Variants in FTO observed in about 807,000 individuals in gnomAD.
FTO encodes alpha-ketoglutarate-dependent dioxygenase FTO.
FTO carries 47 observed loss-of-function variants against 63.9 expected under a neutral mutation model. The observed-to-expected ratio is 0.74, with a 90% confidence interval of 0.58 to 0.94. The LOEUF is 0.94. Ranked by LOEUF, FTO falls within the 40% of genes least tolerant of loss-of-function variation. The probability of loss-of-function intolerance (pLI) is 0.00; values close to 1 mark genes in which losing one functional copy is unlikely to be tolerated. For synonymous variants in FTO, 207 were observed against 224.4 expected (o/e 0.92, Z 0.69); for missense variants, 562 against 618.1 (o/e 0.91, Z 0.96).
intron 1 of FTO, among the ~76,000 whole-genome samples, chr16:53,772,502 T>TA (rs1343951850): frequency 6.6e-6 from 1 of 152,144 alleles, no homozygotes; most frequent in Non-Finnish European, 1.5e-5. Flanking sequence ...CAACATGTGA[T>TA]ACACTGTTTT....
At chr16:54,080,977 G>A (rs183126283) in intron 8 of FTO, among the ~76,000 whole-genome samples, 1 of 152,302 alleles carries the variant, frequency 6.6e-6, no homozygotes, top group Admixed American at 6.5e-5. Context: ...AAACCCACAA[G>A]CGAAGCAAAA....
intron 7 of FTO, among the ~76,000 whole-genome samples, chr16:53,893,386 G>C (rs1479992000): frequency 6.6e-6 from 1 of 152,140 alleles, no homozygotes; most frequent in Non-Finnish European, 1.5e-5. Context: ...ATAAGAGAGA[G>C]TTACCATTTG....
At chr16:53,753,648 A>G (rs1015768325) in intron 1 of FTO, among the ~76,000 whole-genome samples, 2 of 152,174 alleles carry the variant, frequency 1.3e-5, no homozygotes, top group African/African-American at 4.8e-5. Context: ...ACTCAGTAAG[A>G]CTGCCACCTT....
rs549072445 is a variant in FTO, at chr16:53,837,206, C to G, written c.752-6949C>G. Among the ~76,000 whole-genome samples, 7 of 152,286 alleles carry G rather than the reference C, an allele frequency of 4.6e-5. No homozygotes were observed. In the East Asian group the frequency reaches 9.6e-4, roughly 21 times the overall value. ...AGTTTTTCTCTCCTTTTCATACTTTCAATTTTTCTCCCAAGTCCGTGAAAC... is the reference window on the plus strand; with the variant it reads ...AGTTTTTCTCTCCTTTTCATACTTTGAATTTTTCTCCCAAGTCCGTGAAAC... On this transcript the variant is annotated intron_variant, in intron 3 of 8. Coordinates refer to ENST00000471389, the MANE Select transcript of FTO (RefSeq NM_001080432.3).
intron 1 of FTO, among the ~76,000 whole-genome samples, chr16:53,790,438 T>A (rs925571773): frequency 6.6e-6 from 1 of 151,678 alleles, no homozygotes; most frequent in African/African-American, 2.4e-5. Flanking sequence ...AGAAACAGGG[T>A]GGGCATGTTG....
At chr16:53,961,348 A>C (rs906452256) in intron 8 of FTO, among the ~76,000 whole-genome samples, 1 of 152,202 alleles carries the variant, frequency 6.6e-6, no homozygotes, top group African/African-American at 2.4e-5. Flanking sequence ...TAGTAGCAGC[A>C]TGTCTCCAGT....
chr16:54,088,318 T>A (rs1252553610), intron 8 of FTO, among the ~76,000 whole-genome samples: 1 of 152,248 alleles, frequency 6.6e-6, no homozygotes, highest in East Asian at 1.9e-4. Context: ...ATCTATTCTT[T>A]CAGAGAAGTC....
chr16:53,747,678 C>T (rs1392407229), intron 1 of FTO, among the ~76,000 whole-genome samples: 4 of 151,758 alleles, frequency 2.6e-5, no homozygotes, highest in Non-Finnish European at 1.5e-5. Context: ...TGATGTAATC[C>T]CATTTGTCTA....
chr16:53,846,288 C>T lies in FTO; in HGVS notation c.895+1990C>T, dbSNP rs139930802. ...GAAGTAAGTTTATTTTTTAAAGTCC[C>T]TACCCCATCATTGAGTGTCATTTGT... On this transcript the variant is annotated intron_variant, in intron 4 of 8. Transcript: ENST00000471389. Among the ~76,000 whole-genome samples the T allele has an allele frequency of 7.8e-3, 1,194 of 152,236 alleles. 8 individuals carry two copies. The highest frequency in any genetic ancestry group is 0.02 in the Middle Eastern group (6 of 294).
intron 3 of FTO, among the ~76,000 whole-genome samples, chr16:53,827,762 G>A (rs371784602): frequency 1.3e-5 from 2 of 152,218 alleles, no homozygotes; most frequent in East Asian, 3.8e-4. Context: ...CGCTTGAAGG[G>A]ATTTAACGCT....
chr16:53,825,397 C>A (rs1251482255), intron 2 of FTO, among the ~76,000 whole-genome samples: 2 of 152,126 alleles, frequency 1.3e-5, no homozygotes, highest in African/African-American at 4.8e-5. Flanking sequence ...AGATTAATGT[C>A]TCTGTGTTTC....
At chr16:54,018,384 T>TGATAGATAGATAGATA (rs5816918) in intron 8 of FTO, among the ~76,000 whole-genome samples, 4,049 of 93,104 alleles carry the variant, frequency 0.043, 87 homozygotes, top group East Asian at 0.054. Flanking sequence ...GATAGATAGA[T>TGATAGATAGATAGATA]GATAGATAGA....
chr16:54,066,698 A>G (rs1482205591), intron 8 of FTO, among the ~76,000 whole-genome samples: 4 of 152,226 alleles, frequency 2.6e-5, no homozygotes, highest in Admixed American at 1.3e-4. Context: ...TGCAAAGTGT[A>G]TGGGCTGTCA....
chr16:53,870,281 A>G (rs562827946), intron 4 of FTO, among the ~76,000 whole-genome samples: 1 of 152,240 alleles, frequency 6.6e-6, no homozygotes, highest in East Asian at 1.9e-4. Flanking sequence ...GCATGAGAAG[A>G]TGTTTTTGGA....
chr16:53,786,591 G>A (rs9926289), intron 1 of FTO, among the ~76,000 whole-genome samples: 62,057 of 151,952 alleles, frequency 0.41, 13,104 homozygotes, highest in African/African-American at 0.48. Context: ...ATTATTCTAG[G>A]TTCCTTGCGA....
At chr16:53,866,721 CTTTCA>C (rs2080328497) in intron 4 of FTO, among the ~76,000 whole-genome samples, 1 of 152,050 alleles carries the variant, frequency 6.6e-6, no homozygotes, top group African/African-American at 2.4e-5. Flanking sequence ...GATGTCATCT[CTTTCA>C]TTTCTGACAT....
intron 8 of FTO, among the ~76,000 whole-genome samples, chr16:54,091,124 G>A (rs1373088772): frequency 6.6e-6 from 1 of 152,236 alleles, no homozygotes; most frequent in East Asian, 1.9e-4. Context: ...TGGAGGTGTG[G>A]TCCGTTGGAG....
At chr16:53,999,062 G>C (rs1452536281) in intron 8 of FTO, among the ~76,000 whole-genome samples, 3 of 152,192 alleles carry the variant, frequency 2.0e-5, no homozygotes, top group African/African-American at 7.2e-5. Flanking sequence ...ATGCTGGAAT[G>C]TTTAGGGTCC....
chr16:54,082,692 C>T (rs1333788086), intron 8 of FTO, among the ~76,000 whole-genome samples: 1 of 152,134 alleles, frequency 6.6e-6, no homozygotes, highest in Non-Finnish European at 1.5e-5. Flanking sequence ...TCCTTAAAGT[C>T]AGTTTTCATG....
Sources: allele counts gnomAD v4.1 joint callset (sites outside exome capture counted in the v4.1 genomes callset), GRCh38; gene constraint gnomAD v4.1.1; transcripts MANE v1.5; gene names NCBI Gene and HGNC (gene_info 2026-07-23, HGNC 2026-07-21).